Variants in VTI1A observed in about 807,000 individuals in gnomAD.
VTI1A encodes vesicle transport through interaction with t-SNAREs homolog 1A.
Under a neutral mutation model 34.9 loss-of-function variants are expected in VTI1A, and 22 were observed. The ratio of observed to expected loss-of-function variants is 0.63; its 90% CI spans 0.45 to 0.90. VTI1A has a LOEUF of 0.90. Ranked by LOEUF, VTI1A falls within the 40% of genes least tolerant of loss-of-function variation. VTI1A has a pLI of 0.00. For synonymous variants in VTI1A, 87 were observed against 97.3 expected, an observed-to-expected ratio of 0.89 and a Z score of 0.62; for missense variants, 268 against 275.6, an observed-to-expected ratio of 0.97 and a Z score of 0.20.
chr10:112,623,059 G>A (rs575468172), intron 5 of VTI1A, among the ~76,000 whole-genome samples: 23 of 152,228 alleles, frequency 1.5e-4, no homozygotes, highest in South Asian at 2.1e-4. Context: ...GAAAAGGCTC[G>A]GATTTTAATG....
intron 7 of VTI1A, among the ~76,000 whole-genome samples, chr10:112,753,034 C>A (rs1289027295): frequency 1.3e-5 from 2 of 150,766 alleles, no homozygotes; most frequent in East Asian, 3.9e-4. Context: ...CATAAAATTT[C>A]TTCTAAATTA....
intron 1 of VTI1A, chr10:112,449,120 A>G (rs1208548835): frequency 6.6e-6 from 1 of 152,152 alleles, no homozygotes. Context: ...TCTTCTCTTC[A>G]GTTCTGCTTT....
chr10:112,670,687 A>C (rs951507228), intron 7 of VTI1A, among the ~76,000 whole-genome samples: 1 of 152,204 alleles, frequency 6.6e-6, no homozygotes, highest in Non-Finnish European at 1.5e-5. Context: ...TAGGGAAATC[A>C]TAATAACGTG....
chr10:112,503,197 C>T (rs993794807), intron 3 of VTI1A, among the ~76,000 whole-genome samples: 3 of 152,128 alleles, frequency 2.0e-5, no homozygotes, highest in African/African-American at 7.2e-5. Context: ...GTCTATGGAA[C>T]ACCAGGTCTT....
intron 7 of VTI1A, chr10:112,737,931 C>T (rs1850555189): frequency 9.4e-7 from 1 of 1,061,470 alleles, no homozygotes; most frequent in African/African-American, 1.6e-5. Flanking sequence ...AGGTATGTCC[C>T]CTCTAGGCAC....
chr10:112,462,896 TTTTATTTATTTATTTATTTATTTA>T (rs59884374), intron 2 of VTI1A, among the ~76,000 whole-genome samples: 5 of 144,776 alleles, frequency 3.5e-5, no homozygotes, highest in Non-Finnish European at 6.0e-5. Context: ...TGTTACTGGT[TTTTATTTATTTATTTATTTATTTA>T]TTTATTTATT....
chr10:112,518,356 G>C (rs1849864295), intron 3 of VTI1A, among the ~76,000 whole-genome samples: 1 of 151,826 alleles, frequency 6.6e-6, no homozygotes, highest in African/African-American at 2.4e-5. Flanking sequence ...GGGTTAAGAA[G>C]CTTGGCTAGG....
intron 5 of VTI1A, among the ~76,000 whole-genome samples, chr10:112,621,834 A>T (rs1047406622): frequency 6.6e-6 from 1 of 152,142 alleles, no homozygotes; most frequent in Non-Finnish European, 1.5e-5. Flanking sequence ...TGGGAACATT[A>T]TGCTTTTTTT....
chr10:112,597,134 A>C (rs1844677713), intron 5 of VTI1A, among the ~76,000 whole-genome samples: 1 of 152,200 alleles, frequency 6.6e-6, no homozygotes, highest in Non-Finnish European at 1.5e-5. Flanking sequence ...AGAATCAAAC[A>C]GATCTGGGGA....
chr10:112,586,459 C>A (rs1376559196), intron 5 of VTI1A, among the ~76,000 whole-genome samples: 1 of 152,052 alleles, frequency 6.6e-6, no homozygotes, highest in African/African-American at 2.4e-5. Flanking sequence ...AAAAGAGAAC[C>A]TTTTTCCTTA....
chr10:112,675,922 G>A lies in VTI1A; in HGVS notation c.560+6924G>A, dbSNP rs564195038. Among the ~76,000 whole-genome samples the A allele has an allele frequency of 4.6e-5, 7 of 152,164 alleles. No homozygotes were observed. In the East Asian group the frequency reaches 1.4e-3, roughly 29 times the overall value. On this transcript the variant is annotated intron_variant, in intron 7 of 7. Coordinates refer to ENST00000393077, the MANE Select transcript of VTI1A (RefSeq NM_145206.4). The stretch of plus-strand genomic sequence containing the variant: ...CTCAGTTTCCTCATCTGCAAAATAG[G>A]GATAACAATAGTCTTTACTATGGAA...
intron 5 of VTI1A, among the ~76,000 whole-genome samples, chr10:112,606,403 C>T (rs117896089): frequency 1.3e-3 from 203 of 152,232 alleles, no homozygotes; most frequent in Non-Finnish European, 2.5e-3. Context: ...GTGTGCTGCT[C>T]CTCCCCCGAA....
chr10:112,830,227 C>G, the VTI1A span, among the ~76,000 whole-genome samples: 5 of 152,108 alleles, frequency 3.3e-5, no homozygotes, highest in East Asian at 1.9e-4. Flanking sequence ...CTTGGCATAG[C>G]CTTTCGCATC....
intron 7 of VTI1A, among the ~76,000 whole-genome samples, chr10:112,774,571 C>A (rs1851902585): frequency 6.6e-6 from 1 of 151,830 alleles, no homozygotes; most frequent in Non-Finnish European, 1.5e-5. Flanking sequence ...TATGTGAGCA[C>A]ATTTAGAAAT....
At chr10:112,622,938 G>A (rs1589986133) in intron 5 of VTI1A, among the ~76,000 whole-genome samples, 1 of 152,290 alleles carries the variant, frequency 6.6e-6, no homozygotes, top group East Asian at 1.9e-4. Context: ...ATTTCACAAT[G>A]TGCTATATAT....
At chr10:112,688,990 A>C (rs1172977163) in intron 7 of VTI1A, among the ~76,000 whole-genome samples, 2 of 152,156 alleles carry the variant, frequency 1.3e-5, no homozygotes, top group Non-Finnish European at 2.9e-5. Context: ...GGCTGCCTCT[A>C]GCATGTCCTT....
chr10:112,750,163 G>A (rs894835168), intron 7 of VTI1A, among the ~76,000 whole-genome samples: 1 of 151,318 alleles, frequency 6.6e-6, no homozygotes, highest in African/African-American at 2.5e-5. Flanking sequence ...GAAACAAAGA[G>A]ACTGACTTTT....
chr10:112,733,211 A>AT (rs1479552088), intron 7 of VTI1A, among the ~76,000 whole-genome samples: 1 of 151,676 alleles, frequency 6.6e-6, no homozygotes, highest in Non-Finnish European at 1.5e-5. Context: ...TTGATTTTTT[A>AT]TTTTTTATTT....
intron 2 of VTI1A, among the ~76,000 whole-genome samples, chr10:112,462,265 C>G (rs1280139198): frequency 6.6e-6 from 1 of 152,248 alleles, no homozygotes; most frequent in South Asian, 2.1e-4. Context: ...CACTACACAT[C>G]TTGCAATGAT....
Sources: gnomAD v4.1 joint callset for allele counts (sites outside exome capture counted in the v4.1 genomes callset) on GRCh38, gnomAD v4.1.1 for gene constraint, MANE v1.5 for transcripts, NCBI Gene and HGNC (gene_info 2026-07-23, HGNC 2026-07-21) for gene names.